Variants in EIF4H observed in about 807,000 individuals in gnomAD.
EIF4H encodes the protein eukaryotic translation initiation factor 4H, also known as Williams-Beuren syndrome chromosome region 1.
EIF4H carries 8 observed loss-of-function variants against 30.6 expected under a neutral mutation model. The observed-to-expected ratio is 0.26, with a 90% CI of 0.15 to 0.47. The LOEUF (loss-of-function observed/expected upper bound fraction) is 0.47. EIF4H is among the 20% of genes least tolerant of loss of function. The probability of loss-of-function intolerance (pLI) is 0.99; values close to 1 mark genes in which losing one functional copy is unlikely to be tolerated. For synonymous variants in EIF4H, 106 were observed against 122.7 expected (o/e 0.86, Z 0.90); for missense variants, 188 against 339.5 (o/e 0.55, Z 3.51).
rs371545407 is a variant in EIF4H, at chr7:74,189,757, C to T, written c.312+20C>T. The T allele has an allele frequency of 5.3e-5, 85 of 1,614,190 alleles. No homozygotes were observed. In the East Asian group the frequency reaches 1.6e-3, roughly 30 times the overall value. ...GGTGCAGTAAGTATCCTCGGGTTTT[C>T]TCTGTCATAGCAGTTGAGATTGTTT... On this transcript the variant is annotated intron_variant, in intron 3 of 6. Coordinates refer to ENST00000265753, the MANE Select transcript of EIF4H (RefSeq NM_022170.2).
chr7:74,192,012 C>G lies in EIF4H; in HGVS notation c.469+1706C>G, dbSNP rs181871174. Among the ~76,000 whole-genome samples the G allele has an allele frequency of 1.1e-4, 17 of 152,266 alleles. 1 individual carries two copies. The East Asian group carries it at 3.1e-3, about 28-fold the overall frequency. ...GCCAGGATGGTCTCGATCTCCTGAC[C>G]TCGTGATCCACCTGCCTCGGCCTCC... On this transcript the variant is annotated intron_variant, in intron 5 of 6. Coordinates refer to ENST00000265753, the MANE Select transcript of EIF4H (RefSeq NM_022170.2).
rs551636758 is a variant in EIF4H, at chr7:74,195,635, G to C, written c.*327G>C. 1 of 230,092 alleles carries C rather than the reference G, an allele frequency of 4.3e-6. No individual in the cohort carries two copies. The highest frequency in any genetic ancestry group is 5.7e-5 in the Admixed American group (1 of 17,398). 14.3% of individuals were successfully genotyped at this position (230,092 alleles called of 1,614,324 possible). A position where few individuals can be genotyped will look rare whatever the true frequency, so the allele number is the denominator to read the frequency against. ...GGAGCAGAGGTGGCCGCCGTGGGGG[G>C]GCGTTTGGGCTGCGGTGCTGCGTCA... On this transcript the variant is annotated 3_prime_UTR_variant, in exon 7 of 7. Coordinates refer to ENST00000265753, the MANE Select transcript of EIF4H (RefSeq NM_022170.2).
At chr7:74,180,919 AAT>A (rs1800945303) in intron 1 of EIF4H, among the ~76,000 whole-genome samples, 1 of 152,196 alleles carries the variant, frequency 6.6e-6, no homozygotes, top group Admixed American at 6.5e-5. Context: ...TTGTTTTTTT[AAT>A]AGAGACAGGG....
At chr7:74,174,721 G>T (rs1340392941) in intron 1 of EIF4H, among the ~76,000 whole-genome samples, 1 of 152,204 alleles carries the variant, frequency 6.6e-6, no homozygotes, top group African/African-American at 2.4e-5. Flanking sequence ...CCGCGGCGGC[G>T]CCGATGCCCG....
At position 74,194,744 on chromosome 7, in the gene EIF4H, T is replaced by C. The variant is rs1801302250; in HGVS notation, c.473T>C (p.Phe158Ser). 1.3e-6 allele frequency: 2 copies of C among 1,584,046 alleles called. No individual in the cohort carries two copies. Among genetic ancestry groups the C allele is most frequent in the Admixed American group, 1.7e-5 (1 of 58,524 alleles). ...CAGTGTCCTGTTTCTTCCTCAGGCT[T>C]CAGGGATGACTTCTTAGGGGGCAGG... ...WDSRDDFNSG[F>S]RDDFLGGRGG... The change falls in exon 6 of 7, where the codon TTC becomes TCC. Residue 158 changes from phenylalanine (F) to serine (S), a missense_variant. Physicochemically the swap from Phe to Ser is radical, Grantham distance 155. This residue lies in a region of EIF4H where 76 missense variants were observed against 85.8 expected (regional missense o/e 0.89). Coordinates refer to ENST00000265753, the MANE Select transcript of EIF4H (RefSeq NM_022170.2).
At chr7:74,182,197 C>T (rs936212338) in intron 1 of EIF4H, among the ~76,000 whole-genome samples, 17 of 152,194 alleles carry the variant, frequency 1.1e-4, no homozygotes, top group Middle Eastern at 6.8e-3. Context: ...ATTTAGAACA[C>T]GAACCAAAGC....
intron 2 of EIF4H, 97 bp downstream of exon 2, chr7:74,187,895 A>C: frequency 7.3e-7 from 1 of 1,363,038 alleles, no homozygotes; most frequent in Admixed American, 2.4e-5. Flanking sequence ...CAGAGGCTGT[A>C]ATCAAGAAAG....
At chr7:74,179,921 A>C (rs541029864) in intron 1 of EIF4H, among the ~76,000 whole-genome samples, 4 of 152,176 alleles carry the variant, frequency 2.6e-5, no homozygotes, top group Admixed American at 2.6e-4. Context: ...TTGGCAACAA[A>C]TACTGTTATT....
Position 74,195,315 on chromosome 7 carries a change from G to A in EIF4H, c.*7G>A, listed in dbSNP as rs782454237. 22 of 1,612,788 alleles carry A rather than the reference G, an allele frequency of 1.4e-5. No individual in the cohort carries two copies. The highest frequency in any genetic ancestry group is 6.7e-5 in the Admixed American group (4 of 59,948). ...TCAAAAGGAGCAAGAATGAGCCTGC[G>A]GTTGGGAGGGAATGGGGCGTGGGGG... On this transcript the variant is annotated 3_prime_UTR_variant, in exon 7 of 7. Transcript: ENST00000265753.
intron 1 of EIF4H, among the ~76,000 whole-genome samples, chr7:74,178,303 A>C (rs1311986586): frequency 1.3e-5 from 2 of 152,120 alleles, no homozygotes; most frequent in African/African-American, 4.8e-5. Context: ...TTATCCCAGC[A>C]CTTTGGAAGG....
At chr7:74,190,795 G>A (rs1463037120) in intron 5 of EIF4H, among the ~76,000 whole-genome samples, 1 of 152,058 alleles carries the variant, frequency 6.6e-6, no homozygotes, top group African/African-American at 2.4e-5. Flanking sequence ...GCCAACCCAG[G>A]CAGAGCAGCT....
At chr7:74,184,550 G>A (rs1021795476) in intron 1 of EIF4H, among the ~76,000 whole-genome samples, 3 of 151,826 alleles carry the variant, frequency 2.0e-5, no homozygotes, top group African/African-American at 7.3e-5. Context: ...ACATCATTAC[G>A]CATCACTAGA....
In EIF4H at chr7:74,196,922, G is replaced by C. The variant is rs1801366984; in HGVS notation, c.*1614G>C. ...GATGACCTACTTACATCTTCAATGT[G>C]GATAAGATAAAGAACAAAACACATG... On this transcript the variant is annotated 3_prime_UTR_variant, in exon 7 of 7. Coordinates refer to ENST00000265753, the MANE Select transcript of EIF4H (RefSeq NM_022170.2). 1 of 152,584 alleles carries C rather than the reference G, an allele frequency of 6.6e-6. No individual in the cohort carries two copies. The highest frequency in any genetic ancestry group is 2.1e-4 in the South Asian group (1 of 4,826). The allele number at this position is 152,584 out of a possible 1,614,324, so 9.5% of individuals were successfully genotyped here. A position where few individuals can be genotyped will look rare whatever the true frequency, so the allele number is the denominator to read the frequency against.
chr7:74,175,012 G>T (rs1415329008), intron 1 of EIF4H, among the ~76,000 whole-genome samples: 6 of 152,222 alleles, frequency 3.9e-5, no homozygotes, highest in Admixed American at 6.5e-5. Flanking sequence ...CTTGCGGGCG[G>T]GGGGAGACCA....
At chr7:74,181,412 CT>C (rs1431637373) in intron 1 of EIF4H, among the ~76,000 whole-genome samples, 3 of 151,680 alleles carry the variant, frequency 2.0e-5, no homozygotes, top group Non-Finnish European at 4.4e-5. Flanking sequence ...TATATTCTTT[CT>C]TTGTTTTTTT....
chr7:74,187,957 A>G (rs552209203), intron 2 of EIF4H, among the ~76,000 whole-genome samples, 159 bp downstream of exon 2: 1 of 152,300 alleles, frequency 6.6e-6, no homozygotes, highest in Admixed American at 6.5e-5. Context: ...TAACTCTTCA[A>G]CTCATAGGTC....
At chr7:74,188,712 T>C (rs1554709500) in intron 2 of EIF4H, among the ~76,000 whole-genome samples, 1 of 152,214 alleles carries the variant, frequency 6.6e-6, no homozygotes, top group Non-Finnish European at 1.5e-5. Flanking sequence ...GCCTTTGGGC[T>C]GGGTCAGTCG....
intron 5 of EIF4H, 37 bp from the exon 6 acceptor site, chr7:74,194,704 G>A (rs1554710432): frequency 6.5e-7 from 1 of 1,532,896 alleles, no homozygotes; most frequent in East Asian, 2.3e-5. Flanking sequence ...GGAGACGATA[G>A]TTTGAAAAGT....
At chr7:74,179,766 G>A (rs1584174239) in intron 1 of EIF4H, among the ~76,000 whole-genome samples, 1 of 152,182 alleles carries the variant, frequency 6.6e-6, no homozygotes, top group East Asian at 1.9e-4. Context: ...TGTTCCAGAT[G>A]TTGGTACATT....
Sources: allele counts gnomAD v4.1 joint callset (sites outside exome capture counted in the v4.1 genomes callset), GRCh38; gene constraint gnomAD v4.1.1; regional missense constraint gnomAD v4.1.1; transcripts MANE v1.5; gene names NCBI Gene and HGNC (gene_info 2026-07-23, HGNC 2026-07-21).